The following KCNG2 variants were observed in gnomAD, a reference collection of about 807,000 sequenced individuals.
The protein encoded by KCNG2 is potassium voltage-gated channel modifier subfamily G member 2.
A neutral mutation model predicts 12.3 loss-of-function variants in KCNG2; 7 were observed. That is an observed-to-expected ratio of 0.57 (90% confidence interval 0.32 to 1.07). The LOEUF (loss-of-function observed/expected upper bound fraction) is 1.07. KCNG2 is among the 50% of genes least tolerant of loss of function. KCNG2 has a pLI of 0.04. For missense variants in KCNG2, 703 were observed against 726.0 expected (o/e 0.97, Z 0.36); for synonymous variants, 414 against 351.4 (o/e 1.18, Z -1.99).
chr18:79,799,590 G>T (rs2087391818), intron 1 of KCNG2, among the ~76,000 whole-genome samples: 1 of 152,262 alleles, frequency 6.6e-6, no homozygotes, highest in African/African-American at 2.4e-5. Flanking sequence ...CAACTTCCAG[G>T]TCTGTCCAAG....
rs1162742507 is a variant in KCNG2, at chr18:79,872,280, G to GTTTTTTTTTTTT, written c.624+8001_624+8012dup. Among the ~76,000 whole-genome samples the GTTTTTTTTTTTT allele has an allele frequency of 9.4e-4, 69 of 73,412 alleles. 4 individuals carry two copies. Among genetic ancestry groups the GTTTTTTTTTTTT allele is most frequent in the Non-Finnish European group, 1.3e-3 (53 of 42,362 alleles). The allele number at this position is 73,412 out of a possible 152,430, so 48.2% of individuals were successfully genotyped here. ...CTGATATAAAAGCTTCAAAGCTTCA[G>GTTTTTTTTTTTT]TTTTTTTTTTTTTTTTTTTTTTTGA... On this transcript the variant is annotated intron_variant, in intron 3 of 3. Transcript: ENST00000316249.
intron 3 of KCNG2, among the ~76,000 whole-genome samples, chr18:79,871,356 G>C (rs1415266530): frequency 6.6e-6 from 1 of 152,206 alleles, no homozygotes; most frequent in Non-Finnish European, 1.5e-5. Context: ...GACAGGACGT[G>C]GGGTGTGGCC....
intron 1 of KCNG2, among the ~76,000 whole-genome samples, chr18:79,799,677 T>A (rs866725808): frequency 6.6e-6 from 1 of 152,134 alleles, no homozygotes; most frequent in African/African-American, 2.4e-5. Flanking sequence ...AAGGGAAAAA[T>A]TGGTGTTTTT....
At chr18:79,857,756 T>G (rs1341313910) in intron 2 of KCNG2, among the ~76,000 whole-genome samples, 1 of 151,794 alleles carries the variant, frequency 6.6e-6, no homozygotes, top group Non-Finnish European at 1.5e-5. Flanking sequence ...CTCAGAATGA[T>G]TTTTATAAAT....
At position 79,863,977 on chromosome 18, in the gene KCNG2, G is replaced by C; in HGVS notation, c.310G>C (p.Glu104Gln). The change falls in exon 3 of 4, where the codon GAG (glutamate) becomes CAG (glutamine). Residue 104 changes from glutamate to glutamine, a missense_variant. Glu to Gln is a conservative substitution (Grantham distance 29). Coordinates refer to ENST00000316249, the MANE Select transcript of KCNG2 (RefSeq NM_012283.2). ...CCCGTGCGCGCTGGCCTTCCGCGAC[G>C]AGCTGGCCTACTGGGGCATCGACGA... ...RGPCALAFRD[E>Q]LAYWGIDEAR... is the part of the protein sequence containing the mutation. 4.0e-6 allele frequency: 5 copies of C among 1,250,838 alleles called. No homozygotes were observed. The highest frequency in any genetic ancestry group is 4.0e-6 in the Non-Finnish European group (4 of 991,218). 77.5% of individuals were successfully genotyped at this position (1,250,838 alleles called of 1,614,324 possible). A position where few individuals can be genotyped will look rare whatever the true frequency, so the allele number is the denominator to read the frequency against.
At chr18:79,880,991 C>T (rs1194716570) in intron 3 of KCNG2, among the ~76,000 whole-genome samples, 1 of 152,230 alleles carries the variant, frequency 6.6e-6, no homozygotes, top group Non-Finnish European at 1.5e-5. Context: ...AAAAACCCTA[C>T]AGCTAACAAC....
chr18:79,824,762 G>T (rs1162534795), intron 1 of KCNG2, among the ~76,000 whole-genome samples: 2 of 152,142 alleles, frequency 1.3e-5, no homozygotes, highest in Non-Finnish European at 2.9e-5. Context: ...GGTGCATGAT[G>T]TTAATGGATT....
intron 1 of KCNG2, among the ~76,000 whole-genome samples, chr18:79,819,111 C>G (rs2087551988): frequency 6.6e-6 from 1 of 152,220 alleles, no homozygotes; most frequent in Non-Finnish European, 1.5e-5. Flanking sequence ...CGTTCCGCAA[C>G]AGCAGAGGAG....
chr18:79,863,581 C>T, intron 2 of KCNG2, 47 bp from the exon 3 acceptor site: 3 of 1,143,538 alleles, frequency 2.6e-6, no homozygotes, highest in Non-Finnish European at 3.2e-6. Flanking sequence ...GGACGCGCTC[C>T]CCCAGCTCAG....
intron 1 of KCNG2, among the ~76,000 whole-genome samples, chr18:79,811,819 AAC>A (rs1161034532): frequency 6.6e-6 from 1 of 152,236 alleles, no homozygotes; most frequent in Non-Finnish European, 1.5e-5. Flanking sequence ...AATATATAAC[AAC>A]AGTTTTTTAA....
At chr18:79,825,960 G>A (rs1303007969) in intron 1 of KCNG2, among the ~76,000 whole-genome samples, 3 of 152,226 alleles carry the variant, frequency 2.0e-5, no homozygotes, top group African/African-American at 4.8e-5. Context: ...GCCGCTCTGG[G>A]ACCTGCCCTT....
Position 79,798,443 on chromosome 18 carries a change from C to G in KCNG2, c.-115+429C>G, listed in dbSNP as rs1474050864. 2.0e-5 allele frequency among the ~76,000 whole-genome samples: 3 copies of G among 152,278 alleles called. 1 individual carries two copies. In the South Asian group the frequency reaches 6.2e-4, roughly 32 times the overall value. ...GGGTCTCGGGAAAACCCGACTCTCCCGGCGCCCGCCCCGGTTCGGTTGGGG... is the reference window on the plus strand; with the variant it reads ...GGGTCTCGGGAAAACCCGACTCTCCGGGCGCCCGCCCCGGTTCGGTTGGGG... On this transcript the variant is annotated intron_variant, in intron 1 of 3. Coordinates refer to ENST00000316249, the MANE Select transcript of KCNG2 (RefSeq NM_012283.2).
chr18:79,853,306 A>G (rs569613482), intron 1 of KCNG2, among the ~76,000 whole-genome samples: 4 of 152,316 alleles, frequency 2.6e-5, no homozygotes, highest in African/African-American at 9.6e-5. Flanking sequence ...GCGTGAACCA[A>G]GTGGTGCAGG....
Position 79,899,958 on chromosome 18 carries a change from C to A in KCNG2, c.*142C>A. ...GTCCTCGGCCCTCGTGCGTGAGCAG[C>A]CCCAGAACTTGGCGGGGCCCTGCCT... On this transcript the variant is annotated 3_prime_UTR_variant, in exon 4 of 4. Transcript: ENST00000316249. 1.3e-6 allele frequency: 1 copy of A among 755,214 alleles called. No homozygotes were observed. The highest frequency in any genetic ancestry group is 3.7e-5 in the East Asian group (1 of 27,092). 46.8% of individuals were successfully genotyped at this position (755,214 alleles called of 1,614,324 possible). A position where few individuals can be genotyped will look rare whatever the true frequency, so the allele number is the denominator to read the frequency against.
intron 3 of KCNG2, among the ~76,000 whole-genome samples, chr18:79,876,889 T>A (rs1223636656): frequency 6.6e-6 from 1 of 152,164 alleles, no homozygotes; most frequent in African/African-American, 2.4e-5. Context: ...ACGGCCAGGC[T>A]CATTTCAGCC....
chr18:79,892,817 A>G (rs576609933), intron 3 of KCNG2, among the ~76,000 whole-genome samples: 41 of 151,518 alleles, frequency 2.7e-4, no homozygotes, highest in African/African-American at 9.7e-4. Flanking sequence ...TGGGTTGTTC[A>G]TGCCATTAAT....
intron 1 of KCNG2, among the ~76,000 whole-genome samples, chr18:79,807,806 ATGGG>A (rs2087462903): frequency 1.4e-5 from 2 of 146,110 alleles, no homozygotes; most frequent in Non-Finnish European, 3.0e-5. Flanking sequence ...ACTCCACGTT[ATGGG>A]CCCAGAGTCC....
intron 2 of KCNG2, among the ~76,000 whole-genome samples, chr18:79,859,793 A>G (rs543599748): frequency 3.3e-5 from 5 of 152,142 alleles, no homozygotes; most frequent in Non-Finnish European, 7.3e-5. Flanking sequence ...TTATGGGTTC[A>G]TTTCTGGACT....
chr18:79,838,450 C>T (rs9945153), intron 1 of KCNG2, among the ~76,000 whole-genome samples: 19,968 of 150,236 alleles, frequency 0.13, 1,434 homozygotes, highest in Middle Eastern at 0.16. Flanking sequence ...GTCTCTCTGT[C>T]GCCCAGGCTG....
Sources: gnomAD v4.1 joint callset for allele counts (sites outside exome capture counted in the v4.1 genomes callset) on GRCh38, gnomAD v4.1.1 for gene constraint, MANE v1.5 for transcripts, NCBI Gene and HGNC (gene_info 2026-07-23, HGNC 2026-07-21) for gene names.